The following AK2 variants were observed in gnomAD, a reference collection of about 807,000 sequenced individuals.
AK2 encodes adenylate kinase 2.
Under a neutral mutation model 24.6 loss-of-function variants are expected in AK2, and 15 were observed. That is an observed-to-expected ratio of 0.61 (90% CI 0.41 to 0.94). The LOEUF (loss-of-function observed/expected upper bound fraction) is 0.94. Ranked by LOEUF, AK2 falls within the 40% of genes least tolerant of loss-of-function variation. The pLI, the probability that AK2 is intolerant of heterozygous loss-of-function variation, is 0.00. For missense variants in AK2, 257 were observed against 304.1 expected (o/e 0.85, Z 1.15); for synonymous variants, 102 against 114.0 (o/e 0.90, Z 0.67).
chr1:33,031,418 A>G (rs2124379701), intron 1 of AK2: 1 of 342,542 alleles, frequency 2.9e-6, no homozygotes, highest in Non-Finnish European at 5.8e-6. Flanking sequence ...CTAGTGTTAT[A>G]GGATTAAATC....
At chr1:33,024,401 T>A in intron 2 of AK2, 41 bp downstream of exon 2, 1 of 1,612,156 alleles carries the variant, frequency 6.2e-7, no homozygotes, top group Non-Finnish European at 8.5e-7. Context: ...CAGATCTAGA[T>A]TCTGAGGAAT....
At chr1:33,029,385 G>A (rs1252163315) in intron 1 of AK2, 2 of 151,830 alleles carry the variant, frequency 1.3e-5, no homozygotes, top group Non-Finnish European at 2.9e-5. Flanking sequence ...CCTGCTCCTG[G>A]GAGGTCACCA....
Position 33,019,826 on chromosome 1 carries a change from T to A in AK2, c.425+1541A>T, listed in dbSNP as rs1052752314. On this transcript the variant is annotated intron_variant, in intron 4 of 5. Transcript: ENST00000672715. ...AGTGGCTAACTGGAAGAAACATAAA[T>A]GTACAACAATAAGGAAATAAGTAAA... The A allele has an allele frequency of 1.2e-5, 14 of 1,165,104 alleles. No homozygotes were observed. The African/African-American group carries it at 2.1e-4, about 17-fold the overall frequency. The allele number at this position is 1,165,104 out of a possible 1,614,324, so 72.2% of individuals were successfully genotyped here.
In AK2 at chr1:33,032,031, C is replaced by T. The variant is rs556779005; in HGVS notation, c.93+4705G>A. On this transcript the variant is annotated intron_variant, in intron 1 of 5. Transcript: ENST00000672715. ...GGAGTTTTAAAAGGAAACATTATTTCAGTCATGCAACATAAAGCACATAAA... is the reference window on the plus strand; with the variant it reads ...GGAGTTTTAAAAGGAAACATTATTTTAGTCATGCAACATAAAGCACATAAA... The T allele has an allele frequency of 1.4e-5, 3 of 207,168 alleles. No homozygotes were observed. In the Admixed American group the frequency reaches 1.7e-4, roughly 11 times the overall value. The allele number at this position is 207,168 out of a possible 1,614,324, so 12.8% of individuals were successfully genotyped here.
chr1:33,012,047 AT>A lies in AK2; in HGVS notation c.*1133del, dbSNP rs990282140. The A allele has an allele frequency of 2.0e-6, 3 of 1,535,442 alleles. No individual in the cohort carries two copies. The Admixed American group carries it at 5.9e-5, about 30-fold the overall frequency. The stretch of plus-strand genomic sequence containing the variant: ...TTCACACTTGGAAACACAGGCAAAC[AT>A]TAAAAATAAAAGCAAATAAACCTAC... On this transcript the variant is annotated 3_prime_UTR_variant, in exon 6 of 6. Coordinates refer to ENST00000672715, the MANE Select transcript of AK2 (RefSeq NM_001625.4).
intron 1 of AK2, chr1:33,031,858 C>T (rs138379118): frequency 3.7e-5 from 11 of 297,330 alleles, no homozygotes; most frequent in East Asian, 2.5e-4. Context: ...TTGACCACAC[C>T]GAAGGAGCAT....
Position 33,012,104 on chromosome 1 carries a change from C to T in AK2, c.*1077G>A, listed in dbSNP as rs1479935300. Reference sequence around the variant, plus strand: ...TCTCTTTTTGGGGAAGTAGATTTGACTGCTCTCAGATGATCAGCCTGGATG... The same window carrying T: ...TCTCTTTTTGGGGAAGTAGATTTGATTGCTCTCAGATGATCAGCCTGGATG... On this transcript the variant is annotated 3_prime_UTR_variant, in exon 6 of 6. Transcript: ENST00000672715. 16 of 1,535,328 alleles carry T rather than the reference C, an allele frequency of 1.0e-5. No individual in the cohort carries two copies. Among genetic ancestry groups the T allele is most frequent in the Non-Finnish European group, 1.4e-5 (16 of 1,146,750 alleles).
chr1:33,023,546 C>T (rs1230399865), intron 2 of AK2, among the ~76,000 whole-genome samples: 1 of 152,054 alleles, frequency 6.6e-6, no homozygotes, highest in Admixed American at 6.6e-5. Flanking sequence ...ATGATTGCAC[C>T]ACTGCACACC....
intron 1 of AK2, chr1:33,031,320 C>G: frequency 4.8e-6 from 1 of 210,224 alleles, no homozygotes; most frequent in East Asian, 1.2e-4. Context: ...GAGTTCAAAT[C>G]CTACCTTTGC....
At chr1:33,017,375 G>A (rs1350322484) in intron 4 of AK2, among the ~76,000 whole-genome samples, 1 of 152,166 alleles carries the variant, frequency 6.6e-6, no homozygotes, top group African/African-American at 2.4e-5. Flanking sequence ...CATTCATTCA[G>A]AAATGGCATC....
intron 4 of AK2, among the ~76,000 whole-genome samples, chr1:33,015,240 T>C (rs1177259369): frequency 1.3e-5 from 2 of 152,240 alleles, no homozygotes; most frequent in African/African-American, 4.8e-5. Flanking sequence ...CTAACCCTTA[T>C]GGAGCAATAT....
intron 1 of AK2, among the ~76,000 whole-genome samples, chr1:33,027,317 C>CA (rs1362010145): frequency 1.3e-5 from 2 of 152,298 alleles, no homozygotes; most frequent in East Asian, 3.9e-4. Context: ...CTGACCAAAA[C>CA]ACCACAGAGA....
chr1:33,032,134 C>T (rs933102547), intron 1 of AK2: 1 of 161,848 alleles, frequency 6.2e-6, no homozygotes, highest in African/African-American at 2.4e-5. Flanking sequence ...GCACTAACCC[C>T]AGGTTAGGGA....
chr1:33,036,418 T>C (rs76114965), intron 1 of AK2, among the ~76,000 whole-genome samples: 2 of 152,140 alleles, frequency 1.3e-5, no homozygotes, highest in African/African-American at 4.8e-5. Flanking sequence ...GTAATCTAGA[T>C]GCCTCGGCCC....
rs552815574 is a variant in AK2 at position 33,014,548 on chromosome 1, G to A, written c.472C>T (p.Pro158Ser). ...SGRSYHEEFN[P>S]PKEPMKDDIT... is the part of the protein sequence containing the mutation. ...TCATCTTTCATGGGCTCTTTTGGAGGGTTGAACTCCTCGTGGTAGGAACGG... is the reference window on the plus strand; with the variant it reads ...TCATCTTTCATGGGCTCTTTTGGAGAGTTGAACTCCTCGTGGTAGGAACGG... Residue 158 changes from proline to serine, a missense_variant, in exon 5 of 6, where the codon CCT becomes TCT. Coordinates refer to ENST00000672715, the MANE Select transcript of AK2 (RefSeq NM_001625.4). 4.0e-5 allele frequency: 64 copies of A among 1,612,620 alleles called. No individual in the cohort carries two copies. The South Asian group carries it at 4.6e-4, about 12-fold the overall frequency.
chr1:33,011,980 A>G lies in AK2; in HGVS notation c.*1201T>C. 1 of 1,535,104 alleles carries G rather than the reference A, an allele frequency of 6.5e-7. No homozygotes were observed. Among genetic ancestry groups the G allele is most frequent in the Non-Finnish European group, 8.7e-7 (1 of 1,146,618 alleles). ...GGAGAGAGACTGGGTTTGAATAAATACTGATCAAAATGAATCCAAGAATAG... is the reference window on the plus strand; with the variant it reads ...GGAGAGAGACTGGGTTTGAATAAATGCTGATCAAAATGAATCCAAGAATAG... On this transcript the variant is annotated 3_prime_UTR_variant, in exon 6 of 6. Transcript: ENST00000672715.
chr1:33,009,433 T>C lies in AK2; in HGVS notation c.*3748A>G, dbSNP rs1638664870. 1 of 454,058 alleles carries C rather than the reference T, an allele frequency of 2.2e-6. No homozygotes were observed. The highest frequency in any genetic ancestry group is 4.4e-6 in the Non-Finnish European group (1 of 226,814). 28.1% of individuals were successfully genotyped at this position (454,058 alleles called of 1,614,324 possible). A position where few individuals can be genotyped will look rare whatever the true frequency, so the allele number is the denominator to read the frequency against. ...TTAGAAGCACTGGCTTTCTAGACTA[T>C]GGACAAGTGTCCATTCAACAGTTAT... On this transcript the variant is annotated 3_prime_UTR_variant, in exon 6 of 6. Coordinates refer to ENST00000672715, the MANE Select transcript of AK2 (RefSeq NM_001625.4).
Position 33,012,945 on chromosome 1 carries a change from TA to T in AK2, c.*235del. Reference sequence around the variant, plus strand: ...AAACAGCTGGTAAAGCAACCTAGCCTAAAACTTACAAAGTAGCAGAGTGAAC... The same window carrying T: ...AAACAGCTGGTAAAGCAACCTAGCCTAAACTTACAAAGTAGCAGAGTGAAC... On this transcript the variant is annotated 3_prime_UTR_variant, in exon 6 of 6. Transcript: ENST00000672715. The T allele has an allele frequency of 6.6e-7, 1 of 1,525,494 alleles. No individual in the cohort carries two copies. Among genetic ancestry groups the T allele is most frequent in the Non-Finnish European group, 8.8e-7 (1 of 1,136,986 alleles). The allele number at this position is 1,525,494 out of a possible 1,614,324, so 94.5% of individuals were successfully genotyped here.
rs995686582 is a variant in AK2 at position 33,013,046 on chromosome 1, C to T, written c.*135G>A. The T allele has an allele frequency of 6.2e-7, 1 of 1,600,500 alleles. No homozygotes were observed. Among genetic ancestry groups the T allele is most frequent in the Non-Finnish European group, 8.5e-7 (1 of 1,179,174 alleles). ...GAGAGTAGCACACACGCCAAAGATA[C>T]ATCAAGCAAGTGCTTTTTTAATCAA... On this transcript the variant is annotated 3_prime_UTR_variant, in exon 6 of 6. Transcript: ENST00000672715.
Sources: gnomAD v4.1 joint callset for allele counts (sites outside exome capture counted in the v4.1 genomes callset) on GRCh38, gnomAD v4.1.1 for gene constraint, MANE v1.5 for transcripts, NCBI Gene and HGNC (gene_info 2026-07-23, HGNC 2026-07-21) for gene names.